Variants in ADAR observed in about 807,000 individuals in gnomAD.
The protein encoded by ADAR is double-stranded RNA-specific adenosine deaminase.
In ADAR, 41 loss-of-function variants were observed where a neutral mutation model predicts 113.2. The ratio of observed to expected loss-of-function variants is 0.36; its 90% confidence interval spans 0.28 to 0.47. ADAR has a LOEUF of 0.47. Among genes scored for constraint, ADAR ranks in the 20% least tolerant of loss-of-function variants. The pLI is 1.00. For synonymous variants in ADAR, 605 were observed against 572.6 expected (o/e 1.06, Z -0.81); for missense variants, 1,242 against 1,540.9 (o/e 0.81, Z 3.25).
rs751114722 is a variant in ADAR at position 154,601,283 on chromosome 1, C to T, written c.1359G>A (p.Gln453=). Residue 453 remains glutamine, a synonymous_variant, in exon 2 of 15, where the codon CAG becomes CAA. Transcript: ENST00000368474. This position sits in a 1 kb window ranked among gnomAD's most constrained non-coding sequence, Gnocchi z 4.7. ...CATCTGGGATGTCATCTGTGGCCCACTGGCCATTTTCAAAGTCAACATACC... is the reference window on the plus strand; with the variant it reads ...CATCTGGGATGTCATCTGTGGCCCATTGGCCATTTTCAAAGTCAACATACC... ...KAGYVDFENG[Q]WATDDIPDDL... is the part of the protein sequence containing the mutation. 1.9e-6 allele frequency: 3 copies of T among 1,614,244 alleles called. No individual in the cohort carries two copies. Among genetic ancestry groups the T allele is most frequent in the Admixed American group, 3.3e-5 (2 of 60,030 alleles).
intron 1 of ADAR, among the ~76,000 whole-genome samples, chr1:154,627,406 T>G (rs1184338936): frequency 1.3e-5 from 2 of 152,142 alleles, no homozygotes; most frequent in African/African-American, 4.8e-5. Flanking sequence ...TAACGCAGTT[T>G]GTGGTAGAAG....
At chr1:154,613,547 A>G (rs1015233336) in intron 1 of ADAR, among the ~76,000 whole-genome samples, 10 of 152,030 alleles carry the variant, frequency 6.6e-5, no homozygotes, top group African/African-American at 2.4e-4. Context: ...GGCCTCCAAA[A>G]ATGCTGGGAT....
At position 154,584,324 on chromosome 1, in the gene ADAR, C is replaced by G. The variant is rs1696601634; in HGVS notation, c.*482G>C. The G allele has an allele frequency of 6.3e-6, 1 of 158,560 alleles. No homozygotes were observed. Among genetic ancestry groups the G allele is most frequent in the African/African-American group, 2.4e-5 (1 of 41,450 alleles). 9.8% of individuals were successfully genotyped at this position (158,560 alleles called of 1,614,324 possible). A position where few individuals can be genotyped will look rare whatever the true frequency, so the allele number is the denominator to read the frequency against. On this transcript the variant is annotated 3_prime_UTR_variant, in exon 15 of 15. Coordinates refer to ENST00000368474, the MANE Select transcript of ADAR (RefSeq NM_001111.5). ...GAGGGGGAAAAGGAGACATTCAGAT[C>G]ACAAGGAAAGAATCTCAGAAGGGAA...
chr1:154,609,802 CA>C (rs1251794593), upstream of ADAR, among the ~76,000 whole-genome samples: 1 of 152,186 alleles, frequency 6.6e-6, no homozygotes, highest in Non-Finnish European at 1.5e-5. Flanking sequence ...GGATATGACA[CA>C]AATAAGAGCG....
intron 1 of ADAR, among the ~76,000 whole-genome samples, chr1:154,625,105 C>G (rs1698897518): frequency 6.6e-6 from 1 of 152,184 alleles, no homozygotes. Flanking sequence ...TGAGCCTGTC[C>G]TTTTTCTCTG....
rs1217725398 is a variant in ADAR at position 154,608,164 on chromosome 1, C to G, written c.-158G>C. 4 of 895,326 alleles carry G rather than the reference C, an allele frequency of 4.5e-6. No individual in the cohort carries two copies. Among genetic ancestry groups the G allele is most frequent in the Admixed American group, 4.0e-5 (1 of 25,312 alleles). 55.5% of individuals were successfully genotyped at this position (895,326 alleles called of 1,614,324 possible). ...CGGGAAACTCCGCGGGTCTGCGCGC[C>G]GGGCCCAAGATGGCTCCGGTTCAAT... On this transcript the variant is annotated 5_prime_UTR_variant, in exon 1 of 15. Transcript: ENST00000368474.
chr1:154,615,949 C>T (rs1188709710), intron 1 of ADAR, among the ~76,000 whole-genome samples: 2 of 152,142 alleles, frequency 1.3e-5, no homozygotes, highest in African/African-American at 2.4e-5. Flanking sequence ...CTGGTTTCCC[C>T]GCATGTACTT....
chr1:154,586,214 G>A lies in ADAR; in HGVS notation c.3169C>T (p.Leu1057=). The A allele has an allele frequency of 1.9e-6, 3 of 1,614,238 alleles. No homozygotes were observed. The highest frequency in any genetic ancestry group is 2.5e-6 in the Non-Finnish European group (3 of 1,180,040). ...GLQGALLTHF[L]QPIYLKSVTL... ...ACAGATTTGAGATAAATGGGCTGCA[G>A]GAAGTGGGTCAACAGTGCCCCTTGC... is the stretch of plus-strand genomic sequence containing the variant. Residue 1057 remains leucine (L), a synonymous_variant, in exon 12 of 15, where the codon CTG becomes TTG. Transcript: ENST00000368474.
At chr1:154,621,057 T>A (rs898764433) in intron 1 of ADAR, among the ~76,000 whole-genome samples, 14 of 152,174 alleles carry the variant, frequency 9.2e-5, no homozygotes, top group African/African-American at 3.4e-4. Flanking sequence ...ATTATGATTA[T>A]CTATATATGT....
At position 154,598,427 on chromosome 1, in the gene ADAR, T is replaced by C. The variant is rs17843865; in HGVS notation, c.1760A>G (p.Tyr587Cys). ...DSGKSEESSHYSTEKESEKTA... is the reference protein window; with the variant it reads ...DSGKSEESSHCSTEKESEKTA... ...CTTCTCTGATTCTTTCTCTGTGGAATAGTGGGATGATTCTTCTGATTTTCC... is the reference window on the plus strand; with the variant it reads ...CTTCTCTGATTCTTTCTCTGTGGAACAGTGGGATGATTCTTCTGATTTTCC... Residue 587 changes from tyrosine to cysteine, a missense_variant, in exon 3 of 15, where the codon TAT becomes TGT. By Grantham distance (194) the Tyr-to-Cys change is radical (BLOSUM62 -2). Transcript: ENST00000368474. The C allele has an allele frequency of 2.1e-3, 3,414 of 1,614,182 alleles. 39 individuals are homozygous for C. In the African/African-American group the frequency reaches 0.033, roughly 16 times the overall value.
chr1:154,611,653 G>T (rs1267293307), upstream of ADAR, among the ~76,000 whole-genome samples: 5 of 152,104 alleles, frequency 3.3e-5, no homozygotes, highest in Admixed American at 3.3e-4. Context: ...TAACTTCCCC[G>T]TGCGTAACGG....
chr1:154,598,683 G>A lies in ADAR; in HGVS notation c.1602-98C>T. 3.2e-6 allele frequency: 4 copies of A among 1,236,190 alleles called. No individual in the cohort carries two copies. In the Admixed American group the frequency reaches 8.2e-5, roughly 25 times the overall value. 76.6% of individuals were successfully genotyped at this position (1,236,190 alleles called of 1,614,324 possible). A position where few individuals can be genotyped will look rare whatever the true frequency, so the allele number is the denominator to read the frequency against. ...AACCTGGAATTTTCTGCTACGCTAA[G>A]GGGCTTTTCACTTGTGGAGATGAAG... On this transcript the variant is annotated intron_variant, in intron 2 of 14. Coordinates refer to ENST00000368474, the MANE Select transcript of ADAR (RefSeq NM_001111.5).
intron 6 of ADAR, among the ~76,000 whole-genome samples, chr1:154,590,938 A>G (rs1302051874): frequency 6.6e-6 from 1 of 152,194 alleles, no homozygotes; most frequent in Non-Finnish European, 1.5e-5. Context: ...TGCGCGAGAC[A>G]GCAAGATCCC....
chr1:154,624,076 G>GA (rs1698870081), intron 1 of ADAR, among the ~76,000 whole-genome samples: 1 of 151,966 alleles, frequency 6.6e-6, no homozygotes, highest in African/African-American at 2.4e-5. Context: ...AAACGGAGCC[G>GA]AAAAAGGAAG....
At chr1:154,602,696 C>CT in intron 1 of ADAR, 70 bp from the exon 2 acceptor site, 1 of 1,577,776 alleles carries the variant, frequency 6.3e-7, no homozygotes, top group South Asian at 1.1e-5. Context: ...AGGCCCCTCC[C>CT]TTTGCTGCCT....
chr1:154,618,864 C>T (rs1024031124), intron 1 of ADAR, among the ~76,000 whole-genome samples: 5 of 152,136 alleles, frequency 3.3e-5, no homozygotes, highest in Admixed American at 6.5e-5. Context: ...AATCTCAGCA[C>T]TTTGGAAGTC....
chr1:154,627,953 C>T, exon 1 of ADAR: 1 of 512,194 alleles, frequency 2.0e-6, no homozygotes, highest in Non-Finnish European at 3.9e-6. Context: ...GCCTTCTCTA[C>T]CTTCAGTCGG....
At chr1:154,609,121 G>C (rs1698393456), upstream of ADAR, among the ~76,000 whole-genome samples, 2 of 152,198 alleles carry the variant, frequency 1.3e-5, no homozygotes, top group African/African-American at 4.8e-5. Flanking sequence ...ACCGAGGCTT[G>C]ACTAAGGCCA....
chr1:154,609,959 C>T (rs1195689594), upstream of ADAR, among the ~76,000 whole-genome samples: 1 of 152,174 alleles, frequency 6.6e-6, no homozygotes, highest in African/African-American at 2.4e-5. Flanking sequence ...TATTCGCCTT[C>T]AGAGGGCTGG....
Sources: allele counts gnomAD v4.1 joint callset (sites outside exome capture counted in the v4.1 genomes callset), GRCh38; gene constraint gnomAD v4.1.1; non-coding constraint Gnocchi (gnomAD v3.1); transcripts MANE v1.5; gene names NCBI Gene and HGNC (gene_info 2026-07-23, HGNC 2026-07-21).